The following EHMT1 variants were observed in gnomAD, a reference collection of about 807,000 sequenced individuals.
EHMT1 encodes the protein histone-lysine N-methyltransferase EHMT1.
In EHMT1, 15 loss-of-function variants were observed where a neutral mutation model predicts 147.2. The ratio of observed to expected loss-of-function variants is 0.10; its 90% confidence interval spans 0.07 to 0.16. The LOEUF (loss-of-function observed/expected upper bound fraction) is 0.16, where lower values mean the gene tolerates loss of function less well. Among genes scored for constraint, EHMT1 ranks in the 10% least tolerant of loss-of-function variants. EHMT1 has a pLI of 1.00. For missense variants in EHMT1, 1,587 were observed against 1,772.4 expected (o/e 0.90, Z 1.88); for synonymous variants, 795 against 709.6 (o/e 1.12, Z -1.91).
intron 15 of EHMT1, among the ~76,000 whole-genome samples, chr9:137,790,295 C>T (rs1262436855): frequency 1.3e-5 from 2 of 152,196 alleles, no homozygotes; most frequent in African/African-American, 2.4e-5. Context: ...ATTTTAAAGT[C>T]GAGGGCTTCT....
At chr9:137,727,972 G>T (rs1015180935) in intron 3 of EHMT1, among the ~76,000 whole-genome samples, 1 of 152,226 alleles carries the variant, frequency 6.6e-6, no homozygotes, top group Non-Finnish European at 1.5e-5. Flanking sequence ...CTTAGTAAGT[G>T]TATTATCTAA....
At chr9:137,754,717 A>G (rs1949242503) in intron 8 of EHMT1, among the ~76,000 whole-genome samples, 1 of 151,932 alleles carries the variant, frequency 6.6e-6, no homozygotes. Context: ...GGGTTTTGCT[A>G]TGTTGGCCAG....
chr9:137,808,013 A>G (rs1954094586), intron 18 of EHMT1, among the ~76,000 whole-genome samples: 1 of 152,074 alleles, frequency 6.6e-6, no homozygotes, highest in South Asian at 2.1e-4. Flanking sequence ...ATGTTCTTGA[A>G]CTTTGTTCTG....
intron 1 of EHMT1, among the ~76,000 whole-genome samples, chr9:137,685,738 C>T (rs1456176894): frequency 6.6e-6 from 1 of 152,114 alleles, no homozygotes; most frequent in Non-Finnish European, 1.5e-5. Flanking sequence ...TTTTTGCTGT[C>T]CATTTTGTTG....
At chr9:137,657,165 G>T (rs1938547007) in intron 1 of EHMT1, among the ~76,000 whole-genome samples, 1 of 152,192 alleles carries the variant, frequency 6.6e-6, no homozygotes, top group African/African-American at 2.4e-5. Context: ...AGACAAGGAA[G>T]GGCACATGGG....
intron 8 of EHMT1, 26 bp downstream of exon 8, chr9:137,754,317 T>C (rs372597955): frequency 6.2e-7 from 1 of 1,613,088 alleles, no homozygotes; most frequent in African/African-American, 1.3e-5. Context: ...GTGTGGGCCA[T>C]CACGGGGACT....
rs956045164 is a variant in EHMT1 at position 137,835,160 on chromosome 9, G to A, written c.*207G>A. 1 of 510,304 alleles carries A rather than the reference G, an allele frequency of 2.0e-6. No individual in the cohort carries two copies. 31.6% of individuals were successfully genotyped at this position (510,304 alleles called of 1,614,324 possible). ...CTTCCCAGACCTGCGGCCTCACCGC[G>A]GGCCCAGTGCCCAGGCTGGAGCGCA... On this transcript the variant is annotated 3_prime_UTR_variant, in exon 27 of 27. Coordinates refer to ENST00000460843, the MANE Select transcript of EHMT1 (RefSeq NM_024757.5).
chr9:137,623,977 AC>A (rs1843098165), intron 1 of EHMT1, among the ~76,000 whole-genome samples: 1 of 146,978 alleles, frequency 6.8e-6, no homozygotes, highest in Admixed American at 6.8e-5. Flanking sequence ...GTGCCGCCAT[AC>A]CCGGTTGATT....
intron 10 of EHMT1, among the ~76,000 whole-genome samples, chr9:137,767,869 G>T (rs2136462137): frequency 6.6e-6 from 1 of 152,180 alleles, no homozygotes; most frequent in Non-Finnish European, 1.5e-5. Flanking sequence ...CGTCATATTG[G>T]CCCTCAGAAA....
chr9:137,654,095 C>T (rs766337892), intron 1 of EHMT1, among the ~76,000 whole-genome samples: 2 of 152,104 alleles, frequency 1.3e-5, no homozygotes, highest in Non-Finnish European at 2.9e-5. Flanking sequence ...AATTAATTGA[C>T]CATAGGCTGG....
chr9:137,771,145 G>A (rs4255212), intron 10 of EHMT1, among the ~76,000 whole-genome samples: 19,607 of 150,156 alleles, frequency 0.13, 2,963 homozygotes, highest in African/African-American at 0.37. Context: ...CTCATGTCAC[G>A]GACACTGTGG....
chr9:137,817,691 G>A lies in EHMT1; in HGVS notation c.3461+166G>A, dbSNP rs1955030970. 3.7e-6 allele frequency: 3 copies of A among 811,782 alleles called. No individual in the cohort carries two copies. In the Admixed American group the frequency reaches 6.6e-5, roughly 18 times the overall value. The allele number at this position is 811,782 out of a possible 1,614,324, so 50.3% of individuals were successfully genotyped here. On this transcript the variant is annotated intron_variant, in intron 24 of 26. Coordinates refer to ENST00000460843, the MANE Select transcript of EHMT1 (RefSeq NM_024757.5). ...TGGCCCCGAGAACCAAGCTCGTGCT[G>A]TCCTCAGTCCTCTTGCTGCTGCCCG...
At chr9:137,780,677 C>T (rs1284290893) in intron 14 of EHMT1, among the ~76,000 whole-genome samples, 50 of 39,522 alleles carry the variant, frequency 1.3e-3, no homozygotes, top group Admixed American at 2.0e-3. Context: ...GTGATGACGC[C>T]GAGACGTGTG....
intron 6 of EHMT1, chr9:137,748,016 G>A (rs1426517925): frequency 6.6e-6 from 1 of 151,848 alleles, no homozygotes; most frequent in Non-Finnish European, 1.5e-5. Flanking sequence ...TCAACGTTGT[G>A]TTTCTGGGAT....
chr9:137,779,775 C>G (rs1951240408), intron 14 of EHMT1, 58 bp downstream of exon 14: 1 of 1,586,404 alleles, frequency 6.3e-7, no homozygotes, highest in Non-Finnish European at 8.6e-7. Flanking sequence ...CTGAAAGAAG[C>G]CGAGAGCAGT....
intron 1 of EHMT1, among the ~76,000 whole-genome samples, chr9:137,659,423 T>A (rs1158767064): frequency 6.7e-6 from 1 of 150,070 alleles, no homozygotes; most frequent in Non-Finnish European, 1.5e-5. Context: ...TAATTAATTA[T>A]TTTTAGAGAC....
intron 1 of EHMT1, among the ~76,000 whole-genome samples, chr9:137,668,956 A>T (rs140594903): frequency 0.014 from 2,135 of 152,194 alleles, 37 homozygotes; most frequent in South Asian, 0.038. Flanking sequence ...GCGCAATCTC[A>T]GCTCACTGCA....
rs1564626330 is a variant in EHMT1, at chr9:137,716,082, GTGGTGGGGGAGGAAGTTGTGGTGGTGTCA to G, written c.86-523_86-495del. Among the ~76,000 whole-genome samples the G allele has an allele frequency of 4.8e-4, 36 of 75,150 alleles. 5 individuals are homozygous for G. The highest frequency in any genetic ancestry group is 5.6e-4 in the South Asian group (1 of 1,780). 49.3% of individuals were successfully genotyped at this position (75,150 alleles called of 152,430 possible). On this transcript the variant is annotated intron_variant, in intron 2 of 26. Transcript: ENST00000460843. ...GGTGGGGGGAGGAAATTGTGGTGTC[GTGGTGGGGGAGGAAGTTGTGGTGGTGTCA>G]TGGTGGGGGAGGAAGTTGTGTTGGT...
At chr9:137,795,341 G>C (rs1355264154) in intron 16 of EHMT1, among the ~76,000 whole-genome samples, 2 of 151,684 alleles carry the variant, frequency 1.3e-5, no homozygotes, top group Non-Finnish European at 2.9e-5. Context: ...GCCTATCCTG[G>C]CAACTCAGGT....
Sources: gnomAD v4.1 joint callset for allele counts (sites outside exome capture counted in the v4.1 genomes callset) on GRCh38, gnomAD v4.1.1 for gene constraint, MANE v1.5 for transcripts, NCBI Gene and HGNC (gene_info 2026-07-23, HGNC 2026-07-21) for gene names.